APBA1: variants seen among roughly 807,000 people sequenced by gnomAD.
APBA1 encodes amyloid beta precursor protein binding family A member 1.
A neutral mutation model predicts 86.6 loss-of-function variants in APBA1; 55 were observed. The ratio of observed to expected loss-of-function variants is 0.64; its 90% CI spans 0.51 to 0.80. The LOEUF (loss-of-function observed/expected upper bound fraction) is 0.80, where lower values mean the gene tolerates loss of function less well. Ranked by LOEUF, APBA1 falls within the 30% of genes least tolerant of loss-of-function variation. The pLI, the probability that APBA1 is intolerant of heterozygous loss-of-function variation, is 0.00. For synonymous variants in APBA1, 511 were observed against 493.9 expected, an observed-to-expected ratio of 1.03 and a Z score of -0.46; for missense variants, 1,090 against 1,183.0, an observed-to-expected ratio of 0.92 and a Z score of 1.15.
intron 1 of APBA1, among the ~76,000 whole-genome samples, chr9:69,558,561 C>CACACATAT (rs1554701130): frequency 7.0e-5 from 10 of 142,818 alleles, no homozygotes; most frequent in African/African-American, 2.5e-4. Context: ...CACACACACA[C>CACACATAT]ATATATATAT....
At position 69,430,967 on chromosome 9, in the gene APBA1, A is replaced by T; in HGVS notation, c.*360T>A. ...GAATCAGCTGCTTTGCTGCCCCGCG[A>T]GCTCCTTTTAAGAAGTCTGCACCTC... On this transcript the variant is annotated 3_prime_UTR_variant, in exon 13 of 13. Transcript: ENST00000265381. 1 of 205,254 alleles carries T rather than the reference A, an allele frequency of 4.9e-6. No homozygotes were observed. Among genetic ancestry groups the T allele is most frequent in the Non-Finnish European group, 9.8e-6 (1 of 102,512 alleles). The allele number at this position is 205,254 out of a possible 1,614,324, so 12.7% of individuals were successfully genotyped here. A position where few individuals can be genotyped will look rare whatever the true frequency, so the allele number is the denominator to read the frequency against.
chr9:69,590,989 T>A (rs1370356950), intron 1 of APBA1, among the ~76,000 whole-genome samples: 2 of 152,050 alleles, frequency 1.3e-5, no homozygotes, highest in Non-Finnish European at 2.9e-5. Flanking sequence ...GTGAAGAAAA[T>A]CCTTTCCCAC....
chr9:69,598,080 T>C (rs1315901114), intron 1 of APBA1, among the ~76,000 whole-genome samples: 1 of 151,682 alleles, frequency 6.6e-6, no homozygotes, highest in Non-Finnish European at 1.5e-5. Context: ...GTGGCACATA[T>C]ACACCATGGA....
intron 9 of APBA1, among the ~76,000 whole-genome samples, chr9:69,450,082 T>A (rs956967935): frequency 1.0e-4 from 13 of 125,554 alleles, no homozygotes; most frequent in South Asian, 2.8e-4. Flanking sequence ...TTTTTTTTTT[T>A]AATTTCTTCA....
intron 1 of APBA1, among the ~76,000 whole-genome samples, chr9:69,657,991 C>A (rs541937970): frequency 1.1e-4 from 16 of 152,272 alleles, no homozygotes; most frequent in Admixed American, 2.0e-4. Flanking sequence ...GCAGGCCTAC[C>A]AAAGGATGGG....
chr9:69,535,651 GAT>G (rs1836496533), intron 1 of APBA1, among the ~76,000 whole-genome samples: 1 of 152,072 alleles, frequency 6.6e-6, no homozygotes, highest in Admixed American at 6.6e-5. Flanking sequence ...CTTCTGGAAT[GAT>G]CCTCTACTTT....
At chr9:69,629,712 G>T (rs1290180095) in intron 1 of APBA1, among the ~76,000 whole-genome samples, 1 of 152,180 alleles carries the variant, frequency 6.6e-6, no homozygotes, top group Admixed American at 6.5e-5. Context: ...ATTGAGCACT[G>T]CTATGTATTG....
chr9:69,660,630 TAACTC>T (rs1452537906), intron 1 of APBA1, among the ~76,000 whole-genome samples: 2 of 152,250 alleles, frequency 1.3e-5, no homozygotes, highest in Admixed American at 6.5e-5. Context: ...CACAAAATCT[TAACTC>T]AATCATTCCC....
At chr9:69,491,889 C>T (rs375507916) in intron 2 of APBA1, among the ~76,000 whole-genome samples, 17 of 151,694 alleles carry the variant, frequency 1.1e-4, no homozygotes, top group South Asian at 2.1e-4. Flanking sequence ...CTCAGCCTCC[C>T]GAGTAGCTGG....
chr9:69,448,755 C>T (rs117158361), intron 10 of APBA1, among the ~76,000 whole-genome samples: 2,364 of 152,272 alleles, frequency 0.016, 51 homozygotes, highest in Admixed American at 0.051. Flanking sequence ...CCCCAAAAAA[C>T]GCTGTGGAAT....
At chr9:69,603,210 T>C (rs769324818) in intron 1 of APBA1, among the ~76,000 whole-genome samples, 3 of 152,204 alleles carry the variant, frequency 2.0e-5, no homozygotes, top group Non-Finnish European at 2.9e-5. Context: ...ACCTCAGATT[T>C]AAAACCAAAA....
chr9:69,432,526 C>A lies in APBA1; in HGVS notation c.2442+10G>T. The A allele has an allele frequency of 1.3e-6, 2 of 1,528,736 alleles. No homozygotes were observed. Among genetic ancestry groups the A allele is most frequent in the South Asian group, 1.3e-5 (1 of 77,448 alleles). The allele number at this position is 1,528,736 out of a possible 1,614,324, so 94.7% of individuals were successfully genotyped here. Reference sequence around the variant, plus strand: ...CCTCAGCACCACCCTCAGCCCCGGACCTCTCCTACCTCCCCAACAGCATTG... The same window carrying A: ...CCTCAGCACCACCCTCAGCCCCGGAACTCTCCTACCTCCCCAACAGCATTG... On this transcript the variant is annotated intron_variant, in intron 12 of 12. Transcript: ENST00000265381.
intron 1 of APBA1, among the ~76,000 whole-genome samples, chr9:69,651,440 A>T (rs781134384): frequency 2.0e-5 from 3 of 152,160 alleles, no homozygotes; most frequent in Non-Finnish European, 4.4e-5. Flanking sequence ...ATTATAAAAC[A>T]ATCTTCCCGA....
At chr9:69,530,498 A>C (rs1836414225) in intron 1 of APBA1, among the ~76,000 whole-genome samples, 2 of 152,102 alleles carry the variant, frequency 1.3e-5, no homozygotes, top group Admixed American at 6.5e-5. Flanking sequence ...TCTCACTTAC[A>C]TGTGGAAGCT....
At chr9:69,569,655 G>A (rs990328171) in intron 1 of APBA1, among the ~76,000 whole-genome samples, 1 of 152,158 alleles carries the variant, frequency 6.6e-6, no homozygotes, top group African/African-American at 2.4e-5. Context: ...CTGAGGCAAC[G>A]TTACACATTT....
chr9:69,454,375 T>C (rs552946673), intron 8 of APBA1, among the ~76,000 whole-genome samples: 2 of 152,336 alleles, frequency 1.3e-5, no homozygotes, highest in East Asian at 3.9e-4. Flanking sequence ...TCATCATTAG[T>C]GGATGCCCCT....
At chr9:69,554,786 T>C (rs1005197690) in intron 1 of APBA1, among the ~76,000 whole-genome samples, 1 of 100,210 alleles carries the variant, frequency 1.0e-5, no homozygotes. Flanking sequence ...CAGATATTTT[T>C]AGGGTAAAAA....
At chr9:69,636,987 A>AG (rs1823192413) in intron 1 of APBA1, among the ~76,000 whole-genome samples, 14 of 96,396 alleles carry the variant, frequency 1.5e-4, no homozygotes, top group African/African-American at 4.3e-4. Flanking sequence ...AAGAAAGAAA[A>AG]ATGTGATACA....
chr9:69,473,984 T>C (rs1029096294), intron 3 of APBA1, among the ~76,000 whole-genome samples: 1 of 152,238 alleles, frequency 6.6e-6, no homozygotes, highest in African/African-American at 2.4e-5. Context: ...TTTGCCTTAT[T>C]ATATCTAATG....
Sources: gnomAD v4.1 joint callset for allele counts (sites outside exome capture counted in the v4.1 genomes callset) on GRCh38, gnomAD v4.1.1 for gene constraint, MANE v1.5 for transcripts, NCBI Gene and HGNC (gene_info 2026-07-23, HGNC 2026-07-21) for gene names.